ATM: variants seen among roughly 807,000 people sequenced by gnomAD.
ATM encodes the protein ATM serine/threonine kinase.
Under a neutral mutation model 387.0 loss-of-function variants are expected in ATM, and 308 were observed. The observed-to-expected ratio is 0.80, with a 90% confidence interval of 0.73 to 0.87. The LOEUF (loss-of-function observed/expected upper bound fraction) is 0.87. Ranked by LOEUF, ATM falls within the 40% of genes least tolerant of loss-of-function variation. The pLI is 0.00. For missense variants in ATM, 3,312 were observed against 3,560.9 expected (o/e 0.93, Z 1.78); for synonymous variants, 1,156 against 1,187.3 (o/e 0.97, Z 0.54).
chr11:108,327,568 T>C (rs1006953772), intron 47 of ATM, 77 bp from the exon 48 acceptor site: 60 of 1,230,344 alleles, frequency 4.9e-5, no homozygotes, highest in Non-Finnish European at 7.0e-5. Context: ...AACCTGCTTT[T>C]TTCCCCGTAC....
Position 108,272,600 on chromosome 11 carries a change from T to A in ATM, c.3146T>A (p.Leu1049Ter), listed in dbSNP as rs1373504805. Residue 1049 changes from leucine to a stop codon, truncating the protein, a stop_gained, in exon 21 of 63, where the codon TTG (leucine) becomes TAG (stop). Coordinates refer to ENST00000675843, the MANE Select transcript of ATM (RefSeq NM_000051.4). LOFTEE classifies it high-confidence loss of function. ...RMALVNCLKT[L>*]LEADPYSKWA... ...GCCCTAGTAAATTGCCTTAAAACTT[T>A]GCTTGAGGTGAGTTTTTGCATTTTT... 1.2e-6 allele frequency: 2 copies of A among 1,613,620 alleles called. No homozygotes were observed. Among genetic ancestry groups the A allele is most frequent in the South Asian group, 1.1e-5 (1 of 91,078 alleles).
intron 48 of ATM, among the ~76,000 whole-genome samples, chr11:108,328,395 T>A (rs1257575445): frequency 6.6e-6 from 1 of 152,094 alleles, no homozygotes; most frequent in Non-Finnish European, 1.5e-5. Flanking sequence ...TACAGGAGTG[T>A]GCCACCACAC....
intron 61 of ATM, chr11:108,356,229 G>A (rs1276652793): frequency 6.6e-6 from 1 of 152,066 alleles, no homozygotes; most frequent in East Asian, 1.9e-4. Flanking sequence ...ATATTATCTT[G>A]CACTTTTTCA....
rs925829168 is a variant in ATM, at chr11:108,366,800, A to C, written c.*1292A>C. ...TTTTTCACTGAGAGTATAAGCTTCC[A>C]TGTGTCCCACCTTTATGGCAGGGGT... On this transcript the variant is annotated 3_prime_UTR_variant, in exon 63 of 63. Transcript: ENST00000675843. 4.3e-6 allele frequency: 1 copy of C among 230,134 alleles called. No individual in the cohort carries two copies. The highest frequency in any genetic ancestry group is 8.6e-6 in the Non-Finnish European group (1 of 116,182). The allele number at this position is 230,134 out of a possible 1,614,324, so 14.3% of individuals were successfully genotyped here.
At chr11:108,345,137 G>GA (rs2088162287) in intron 57 of ATM, among the ~76,000 whole-genome samples, 1 of 152,170 alleles carries the variant, frequency 6.6e-6, no homozygotes, top group African/African-American at 2.4e-5. Context: ...TGCCAGAGAT[G>GA]AAGTATTTGA....
intron 5 of ATM, among the ~76,000 whole-genome samples, chr11:108,242,533 G>A (rs1216040602): frequency 1.3e-5 from 2 of 152,146 alleles, no homozygotes; most frequent in African/African-American, 2.4e-5. Flanking sequence ...TATATATAAA[G>A]TCCCAATATA....
At chr11:108,329,924 A>AT (rs1282410207) in intron 49 of ATM, among the ~76,000 whole-genome samples, 1 of 152,236 alleles carries the variant, frequency 6.6e-6, no homozygotes, top group Non-Finnish European at 1.5e-5. Context: ...ATGTAATTAA[A>AT]TCCCTTTATT....
intron 52 of ATM, 36 bp downstream of exon 52, chr11:108,332,073 T>C (rs2086321778): frequency 1.2e-6 from 2 of 1,607,788 alleles, no homozygotes; most frequent in Non-Finnish European, 1.7e-6. Flanking sequence ...TTTAGAAGTG[T>C]GATATTCAGT....
intron 37 of ATM, 136 bp from the exon 38 acceptor site, chr11:108,307,761 C>T: frequency 1.3e-6 from 1 of 745,332 alleles, no homozygotes; most frequent in South Asian, 1.6e-5. Flanking sequence ...TATTAAATTC[C>T]TTCAGAACCA....
chr11:108,268,393 G>T lies in ATM; in HGVS notation c.2639-17G>T, dbSNP rs2234994. On this transcript the variant is annotated splice_polypyrimidine_tract_variant and intron_variant, in intron 17 of 62. Coordinates refer to ENST00000675843, the MANE Select transcript of ATM (RefSeq NM_000051.4). ...TGTGCCCTTCTCTTAGTGTTAATGA[G>T]TGCTTTTTATTTTTAGGTGCCATTA... 11,713 of 1,611,532 alleles carry T rather than the reference G, an allele frequency of 7.3e-3. 320 individuals are homozygous for T. Among genetic ancestry groups the T allele is most frequent in the African/African-American group, 0.069 (5,169 of 74,924 alleles).
intron 5 of ATM, 47 bp from the exon 6 acceptor site, chr11:108,243,906 T>A (rs1394642520): frequency 1.4e-6 from 2 of 1,468,122 alleles, no homozygotes; most frequent in Non-Finnish European, 1.8e-6. Flanking sequence ...TTTAATACAT[T>A]TTGATTTTTA....
chr11:108,365,779 C>A lies in ATM; in HGVS notation c.*271C>A. 4.5e-6 allele frequency: 2 copies of A among 442,514 alleles called. No homozygotes were observed. The highest frequency in any genetic ancestry group is 8.2e-6 in the Non-Finnish European group (2 of 242,794). 27.4% of individuals were successfully genotyped at this position (442,514 alleles called of 1,614,324 possible). A position where few individuals can be genotyped will look rare whatever the true frequency, so the allele number is the denominator to read the frequency against. ...CTGTAATCCCAGCACTTTGGGAGGC[C>A]GAGGTGAGCGGATCACAAGGTCAGG... On this transcript the variant is annotated 3_prime_UTR_variant, in exon 63 of 63. Transcript: ENST00000675843.
intron 26 of ATM, among the ~76,000 whole-genome samples, chr11:108,286,842 TGCATTAAGTAAATTA>T (rs1216636195): frequency 6.6e-6 from 1 of 152,250 alleles, no homozygotes; most frequent in Admixed American, 6.5e-5. Flanking sequence ...AACTTCCTTA[TGCATTAAGTAAATTA>T]GCCATTTATC....
At chr11:108,326,367 A>C in intron 47 of ATM, 142 bp downstream of exon 47, 2 of 1,196,910 alleles carry the variant, frequency 1.7e-6, no homozygotes, top group East Asian at 5.1e-5. Context: ...ACTAGTCTTG[A>C]AAATTAATTT....
At chr11:108,268,649 G>C (rs745417415) in intron 18 of ATM, 40 bp downstream of exon 18, 9 of 1,582,756 alleles carry the variant, frequency 5.7e-6, no homozygotes, top group East Asian at 2.2e-5. Context: ...GATTTTATCT[G>C]ATGTTGCTGA....
intron 5 of ATM, 85 bp from the exon 6 acceptor site, chr11:108,243,868 T>A (rs1313638649): frequency 3.2e-6 from 4 of 1,247,204 alleles, no homozygotes; most frequent in Non-Finnish European, 4.5e-6. Context: ...TGTATGGGAT[T>A]ATGGAATATT....
Position 108,335,941 on chromosome 11 carries a change from T to A in ATM, c.8248T>A (p.Leu2750Ile), listed in dbSNP as rs876658559. Residue 2750 changes from leucine to isoleucine, a missense_variant, in exon 56 of 63, where the codon TTA becomes ATA. This residue lies in a region of ATM where 1,405 missense variants were observed against 1,604.4 expected (regional missense o/e 0.88). Coordinates refer to ENST00000675843, the MANE Select transcript of ATM (RefSeq NM_000051.4). Reference sequence around the variant, plus strand: ...AAACACGGAAACTAGGAAGAGGAAATTAACTATCTGTACTTATAAGGTAAC... The same window carrying A: ...AAACACGGAAACTAGGAAGAGGAAAATAACTATCTGTACTTATAAGGTAAC... ...QRNTETRKRK[L>I]TICTYKVVPL... The A allele has an allele frequency of 1.2e-6, 2 of 1,611,508 alleles. No homozygotes were observed. Among genetic ancestry groups the A allele is most frequent in the African/African-American group, 2.7e-5 (2 of 74,808 alleles).
At chr11:108,272,875 A>G in intron 22 of ATM, 23 bp downstream of exon 22, 1 of 1,613,812 alleles carries the variant, frequency 6.2e-7, no homozygotes, top group Middle Eastern at 1.7e-4. Context: ...ATATTCATGA[A>G]GTATTTGGAA....
chr11:108,265,587 T>A (rs2081182620), intron 16 of ATM, among the ~76,000 whole-genome samples: 1 of 150,138 alleles, frequency 6.7e-6, no homozygotes, highest in Non-Finnish European at 1.5e-5. Flanking sequence ...GGACTTCATG[T>A]CTAAAACACC....
Sources: gnomAD v4.1 joint callset for allele counts (sites outside exome capture counted in the v4.1 genomes callset) on GRCh38, gnomAD v4.1.1 for gene constraint, gnomAD v4.1.1 regional missense constraint, MANE v1.5 for transcripts, NCBI Gene and HGNC (gene_info 2026-07-23, HGNC 2026-07-21) for gene names.